The following LPA variants were observed in gnomAD, a reference collection of about 807,000 sequenced individuals.
LPA encodes lipoprotein(a), also known as apolipoprotein(a).
Under a neutral mutation model 197.9 loss-of-function variants are expected in LPA, and 199 were observed. The ratio of observed to expected loss-of-function variants is 1.01; its 90% confidence interval spans 0.90 to 1.13. The LOEUF (loss-of-function observed/expected upper bound fraction) is 1.13. Ranked by LOEUF, LPA falls within the 50% of genes most tolerant of loss-of-function variation. The pLI, the probability that LPA is intolerant of heterozygous loss-of-function variation, is 0.00. For synonymous variants in LPA, 715 were observed against 639.5 expected (o/e 1.12, Z -1.78); for missense variants, 1,853 against 1,785.8 (o/e 1.04, Z -0.68).
At chr6:160,567,201 G>T (rs941603926) in intron 28 of LPA, among the ~76,000 whole-genome samples, 5 of 152,190 alleles carry the variant, frequency 3.3e-5, no homozygotes. Flanking sequence ...ATTCTTCTCA[G>T]CACCACATCG....
chr6:160,569,827 T>C (rs1778530636), intron 28 of LPA, among the ~76,000 whole-genome samples: 1 of 152,186 alleles, frequency 6.6e-6, no homozygotes, highest in Admixed American at 6.5e-5. Flanking sequence ...TGGCAAAGGA[T>C]ATTAACAGAC....
chr6:160,651,830 G>A (rs1241835924), intron 1 of LPA, among the ~76,000 whole-genome samples: 2 of 152,088 alleles, frequency 1.3e-5, no homozygotes, highest in Admixed American at 1.3e-4. Flanking sequence ...TTTCAGCAAA[G>A]AGATGGAAAC....
chr6:160,586,420 G>T (rs748282476), intron 25 of LPA, 29 bp downstream of exon 25: 9 of 1,611,140 alleles, frequency 5.6e-6, no homozygotes, highest in South Asian at 4.4e-5. Context: ...ATGTCCGAGG[G>T]TATGGTTGTC....
intron 22 of LPA, among the ~76,000 whole-genome samples, chr6:160,593,613 G>A (rs1779072419): frequency 6.6e-6 from 1 of 152,178 alleles, no homozygotes; most frequent in African/African-American, 2.4e-5. Flanking sequence ...AGGACTTGGA[G>A]ATTAGAATGA....
In LPA at chr6:160,600,958, T is replaced by C; in HGVS notation, c.3086A>G (p.Asn1029Ser). Residue 1029 changes from asparagine (N) to serine (S), a missense_variant, in exon 19 of 39, where the codon AAT becomes AGT. Transcript: ENST00000316300. ...CTCTAGGCTTGGAGCCAGAATAACATTCGGAGGGACGAAGGCAGTCCATTC... is the reference window on the plus strand; with the variant it reads ...CTCTAGGCTTGGAGCCAGAATAACACTCGGAGGGACGAAGGCAGTCCATTC... ...DAEWTAFVPP[N>S]VILAPSLEAF... The C allele has an allele frequency of 6.2e-7, 1 of 1,613,452 alleles. No individual in the cohort carries two copies.
intron 30 of LPA, among the ~76,000 whole-genome samples, chr6:160,555,624 A>G (rs1248794367): frequency 1.3e-5 from 2 of 151,508 alleles, no homozygotes; most frequent in African/African-American, 4.9e-5. Flanking sequence ...CATGTGAATT[A>G]TTTACTTGTG....
At chr6:160,592,296 C>T (rs372110184) in intron 22 of LPA, among the ~76,000 whole-genome samples, 54 of 152,294 alleles carry the variant, frequency 3.5e-4, no homozygotes, top group African/African-American at 1.2e-3. Flanking sequence ...TCTCGTTCAC[C>T]TTTTCCTACC....
At chr6:160,660,039 A>G (rs74399546) in intron 1 of LPA, among the ~76,000 whole-genome samples, 9,174 of 120,050 alleles carry the variant, frequency 0.076, no homozygotes, top group African/African-American at 0.16. Context: ...AATATTGCAA[A>G]TCATTATTAA....
At chr6:160,633,697 G>A in intron 8 of LPA, 56 bp downstream of exon 8, 2 of 1,206,154 alleles carry the variant, frequency 1.7e-6, no homozygotes, top group Non-Finnish European at 1.1e-6. Context: ...CACATCTCTT[G>A]TAACAGAAAC....
At chr6:160,609,450 G>A (rs80147224) in intron 16 of LPA, among the ~76,000 whole-genome samples, 1,763 of 152,084 alleles carry the variant, frequency 0.012, 33 homozygotes, top group African/African-American at 0.04. Context: ...CCAGTTTCTC[G>A]TGAGATGTTT....
chr6:160,589,469 T>C, intron 24 of LPA, 84 bp downstream of exon 24: 4 of 1,533,186 alleles, frequency 2.6e-6, no homozygotes, highest in Non-Finnish European at 3.6e-6. Context: ...AATTGGGTCA[T>C]AAGAAGTTAG....
intron 1 of LPA, among the ~76,000 whole-genome samples, chr6:160,659,753 A>C (rs1030818331): frequency 6.6e-6 from 1 of 152,176 alleles, no homozygotes; most frequent in Non-Finnish European, 1.5e-5. Context: ...AGTGAGGAAT[A>C]GTAGGGGCAG....
rs747867540 is a variant in LPA, at chr6:160,600,946, G to A, written c.3098C>T (p.Ala1033Val). Residue 1033 changes from alanine (A) to valine (V), a missense_variant, in exon 19 of 39, where the codon GCT becomes GTT. Physicochemically the swap from Ala to Val is moderately conservative, Grantham distance 64. Transcript: ENST00000316300. ...TAFVPPNVIL[A>V]PSLEAFFEQA... ...TTCAAAAAAAGCCTCTAGGCTTGGA[G>A]CCAGAATAACATTCGGAGGGACGAA... The A allele has an allele frequency of 6.2e-7, 1 of 1,613,120 alleles. No individual in the cohort carries two copies. The highest frequency in any genetic ancestry group is 1.7e-5 in the Admixed American group (1 of 60,016).
rs1009640221 is a variant in LPA, at chr6:160,537,931, T to G, written c.5766A>C (p.Pro1922=). The G allele has an allele frequency of 1.4e-5, 23 of 1,614,098 alleles. No homozygotes were observed. Among genetic ancestry groups the G allele is most frequent in the Non-Finnish European group, 4.2e-6 (5 of 1,180,028 alleles). Residue 1922 remains proline, a synonymous_variant, in exon 37 of 39, where the codon CCA becomes CCC. Transcript: ENST00000316300. ...TGTAGTCTGGGGATGGCAGACAAGC[T>G]GGCATTACTTTGTCAGTGATGACGG... ...RPAVITDKVM[P]ACLPSPDYMV... is the part of the protein sequence containing the mutation.
Position 160,540,103 on chromosome 6 carries a change from T to G in LPA, c.5675A>C (p.Glu1892Ala). ...VNLESHVQEI[E>A]VSRLFLEPTQ... ...GGGCTCCAAGAACAGCCTAGACACT[T>G]CTATTTCCTGAACATGAGATTCGAG... Residue 1892 changes from glutamate (E) to alanine (A), a missense_variant, in exon 36 of 39, where the codon GAA (glutamate) becomes GCA (alanine). Glu to Ala is a moderately radical substitution (Grantham distance 107). This residue lies in a region of LPA where 1,737 missense variants were observed against 1,504.4 expected (regional missense o/e 1.15). Transcript: ENST00000316300. 1 of 1,614,120 alleles carries G rather than the reference T, an allele frequency of 6.2e-7. No homozygotes were observed. The highest frequency in any genetic ancestry group is 1.3e-5 in the African/African-American group (1 of 75,026).
chr6:160,562,912 T>C (rs909053693), intron 28 of LPA, among the ~76,000 whole-genome samples: 4 of 152,212 alleles, frequency 2.6e-5, no homozygotes, highest in Non-Finnish European at 5.9e-5. Context: ...TCATTGGTGA[T>C]ATCCCCTTTA....
chr6:160,599,601 G>A lies in LPA; in HGVS notation c.3186C>T (p.Tyr1062=), dbSNP rs1042798013. The part of the protein sequence containing the change: ...QDCYYHYGQS[Y]RGTYSTTVTG... ...TGACAGTGGTGGAGTATGTGCCTCG[G>A]TAACTCTGTCCATAATGGTAGTAGC... The change falls in exon 20 of 39, where the codon TAC becomes TAT. Residue 1062 remains tyrosine (Y), a synonymous_variant. Transcript: ENST00000316300. 2.5e-6 allele frequency: 4 copies of A among 1,614,012 alleles called. No individual in the cohort carries two copies. The highest frequency in any genetic ancestry group is 1.7e-6 in the Non-Finnish European group (2 of 1,179,992).
At chr6:160,573,223 T>C (rs1247228964) in intron 28 of LPA, among the ~76,000 whole-genome samples, 3 of 152,226 alleles carry the variant, frequency 2.0e-5, no homozygotes, top group Non-Finnish European at 4.4e-5. Flanking sequence ...TTCAGTTCTA[T>C]TGCTGAGACT....
At chr6:160,594,943 G>T (rs902982553) in intron 21 of LPA, among the ~76,000 whole-genome samples, 3 of 152,112 alleles carry the variant, frequency 2.0e-5, no homozygotes, top group East Asian at 1.9e-4. Context: ...CTCAAAAACC[G>T]CATTCCTCCG....
Sources: gnomAD v4.1 joint callset for allele counts (sites outside exome capture counted in the v4.1 genomes callset) on GRCh38, gnomAD v4.1.1 for gene constraint, gnomAD v4.1.1 regional missense constraint, MANE v1.5 for transcripts, NCBI Gene and HGNC (gene_info 2026-07-23, HGNC 2026-07-21) for gene names.